Variants in IGF1R observed in about 807,000 individuals in gnomAD.
IGF1R encodes insulin like growth factor 1 receptor, also known as insulin-like growth factor 1 receptor.
In IGF1R, 44 loss-of-function variants were observed where a neutral mutation model predicts 144.6. That is an observed-to-expected ratio of 0.30 (90% CI 0.24 to 0.39). IGF1R has a LOEUF of 0.39. IGF1R is among the 10% of genes least tolerant of loss of function. The pLI, the probability that IGF1R is intolerant of heterozygous loss-of-function variation, is 1.00. For missense variants in IGF1R, 1,355 were observed against 1,833.7 expected (o/e 0.74, Z 4.77); for synonymous variants, 795 against 722.8 (o/e 1.10, Z -1.60).
rs573387933 is a variant in IGF1R, at chr15:98,764,767, G to T, written c.640+56660G>T. On this transcript the variant is annotated intron_variant, in intron 2 of 20. Transcript: ENST00000650285. ...GAGTCTGTTTTGGACTTCCTCTTTGGTATATATGGTGGGAGATTTGTTTAA... is the reference window on the plus strand; with the variant it reads ...GAGTCTGTTTTGGACTTCCTCTTTGTTATATATGGTGGGAGATTTGTTTAA... 7.7e-4 allele frequency among the ~76,000 whole-genome samples: 117 copies of T among 152,202 alleles called. 1 individual carries two copies. The highest frequency in any genetic ancestry group is 2.8e-3 in the African/African-American group (115 of 41,528).
At chr15:98,855,229 C>T (rs2011739908) in intron 2 of IGF1R, among the ~76,000 whole-genome samples, 1 of 152,314 alleles carries the variant, frequency 6.6e-6, no homozygotes, top group African/African-American at 2.4e-5. Context: ...TTTAATGGCA[C>T]CATGGTCTGT....
chr15:98,844,612 A>G lies in IGF1R; in HGVS notation c.641-46713A>G, dbSNP rs1306806235. On this transcript the variant is annotated intron_variant, in intron 2 of 20. Transcript: ENST00000650285. ...TCAGAAAAAGTTTTGCTGATTAACT[A>G]TATTTGTGTGTGTGTGTGTGTGTGT... Among the ~76,000 whole-genome samples the G allele has an allele frequency of 2.0e-5, 3 of 149,352 alleles. 1 individual carries two copies. The Middle Eastern group carries it at 0.01, about 515-fold the overall frequency.
intron 2 of IGF1R, among the ~76,000 whole-genome samples, chr15:98,774,688 T>TGGGG (rs895713979): frequency 3.3e-5 from 2 of 60,680 alleles, no homozygotes; most frequent in African/African-American, 7.8e-5. Context: ...GCTGCGGTGG[T>TGGGG]GGGGGGGTGG....
Position 98,684,564 on chromosome 15 carries a change from C to A in IGF1R, c.95-22998C>A, listed in dbSNP as rs954085796. ...GAGTAACACTTAATACTTAGCACAG[C>A]CCTCAGTGAAGATCTTTTATGGCCT... On this transcript the variant is annotated intron_variant, in intron 1 of 20. Transcript: ENST00000650285. Among the ~76,000 whole-genome samples, 5 of 152,152 alleles carry A rather than the reference C, an allele frequency of 3.3e-5. No individual in the cohort carries two copies. The South Asian group carries it at 1.0e-3, about 32-fold the overall frequency.
chr15:98,669,976 G>A (rs532469366), intron 1 of IGF1R, among the ~76,000 whole-genome samples: 5 of 152,326 alleles, frequency 3.3e-5, no homozygotes, highest in African/African-American at 1.2e-4. Context: ...AGCAGAGGAG[G>A]CAGATGAGGT....
chr15:98,710,107 C>T (rs1403934907), intron 2 of IGF1R, among the ~76,000 whole-genome samples: 3 of 152,084 alleles, frequency 2.0e-5, no homozygotes, highest in Admixed American at 1.3e-4. Context: ...GGAAAAGCAC[C>T]GTGAAAATGT....
At chr15:98,750,055 C>T (rs763802648) in intron 2 of IGF1R, among the ~76,000 whole-genome samples, 2 of 152,306 alleles carry the variant, frequency 1.3e-5, no homozygotes, top group East Asian at 3.9e-4. Context: ...GAGGGAATTG[C>T]ATATAGCAAT....
chr15:98,767,918 T>TG (rs976090458), intron 2 of IGF1R, among the ~76,000 whole-genome samples: 3 of 152,138 alleles, frequency 2.0e-5, no homozygotes, highest in African/African-American at 7.2e-5. Context: ...TGTTTGTGTG[T>TG]GGGGTGATGT....
intron 1 of IGF1R, among the ~76,000 whole-genome samples, chr15:98,665,618 A>G (rs1357491271): frequency 1.3e-5 from 2 of 152,204 alleles, no homozygotes; most frequent in African/African-American, 4.8e-5. Flanking sequence ...AAACACTTAG[A>G]TTAAGTATCT....
intron 2 of IGF1R, among the ~76,000 whole-genome samples, chr15:98,735,014 C>T (rs1291059086): frequency 6.6e-6 from 1 of 152,090 alleles, no homozygotes; most frequent in African/African-American, 2.4e-5. Flanking sequence ...CTTCCTGGTC[C>T]TGTGTGAGAC....
intron 7 of IGF1R, among the ~76,000 whole-genome samples, chr15:98,912,608 T>A (rs1211944882): frequency 6.6e-6 from 1 of 152,254 alleles, no homozygotes; most frequent in Non-Finnish European, 1.5e-5. Flanking sequence ...AGCATCAGAA[T>A]TGTTTATGAG....
intron 2 of IGF1R, among the ~76,000 whole-genome samples, chr15:98,733,390 T>G (rs951024484): frequency 2.0e-5 from 3 of 152,076 alleles, no homozygotes; most frequent in African/African-American, 4.8e-5. Context: ...CTGGCTAATT[T>G]TTAATAGAGA....
intron 2 of IGF1R, among the ~76,000 whole-genome samples, chr15:98,848,717 C>A (rs1206924380): frequency 6.6e-6 from 1 of 152,152 alleles, no homozygotes; most frequent in Non-Finnish European, 1.5e-5. Context: ...AGACTATCAC[C>A]CTTTGATTCC....
rs796124380 is a variant in IGF1R, at chr15:98,917,039, C to G, written c.2201+163C>G. ...GATGACAGGTTCGGTGAAGTGAGTC[C>G]CTGCGGAAGCCAGTCAGCCCTGAAG... On this transcript the variant is annotated intron_variant, in intron 10 of 20. Coordinates refer to ENST00000650285, the MANE Select transcript of IGF1R (RefSeq NM_000875.5). 2.4e-5 allele frequency: 17 copies of G among 711,810 alleles called. No individual in the cohort carries two copies. In the African/African-American group the frequency reaches 3.0e-4, roughly 12 times the overall value. The allele number at this position is 711,810 out of a possible 1,614,324, so 44.1% of individuals were successfully genotyped here.
intron 1 of IGF1R, among the ~76,000 whole-genome samples, chr15:98,663,639 G>T (rs1596154008): frequency 6.6e-6 from 1 of 152,198 alleles, no homozygotes; most frequent in South Asian, 2.1e-4. Flanking sequence ...ATTTTTAGAG[G>T]AGTCCAGGCT....
intron 8 of IGF1R, among the ~76,000 whole-genome samples, chr15:98,914,587 C>T (rs976285840): frequency 2.0e-5 from 3 of 152,166 alleles, no homozygotes; most frequent in Non-Finnish European, 4.4e-5. Flanking sequence ...TTCAGTGCAA[C>T]AGAAGAAGTT....
At chr15:98,895,803 T>C (rs45576237) in intron 3 of IGF1R, among the ~76,000 whole-genome samples, 6 of 152,232 alleles carry the variant, frequency 3.9e-5, no homozygotes, top group Admixed American at 3.3e-4. Context: ...ATTTGAGAGA[T>C]GATTTAAGAA....
In IGF1R at chr15:98,782,976, G is replaced by T. The variant is rs75591926; in HGVS notation, c.640+74869G>T. On this transcript the variant is annotated intron_variant, in intron 2 of 20. Transcript: ENST00000650285. The stretch of plus-strand genomic sequence containing the variant: ...TGGAGCTGTGACTTCCTGATGAAGT[G>T]GCAGCACACAGGCTGAATATGTTCT... 3.5e-4 allele frequency among the ~76,000 whole-genome samples: 53 copies of T among 152,276 alleles called. No individual in the cohort carries two copies. The East Asian group carries it at 0.01, about 29-fold the overall frequency.
rs1224142707 is a variant in IGF1R, at chr15:98,648,819, A to AGCG, written c.-762_-760dup. 1.4e-5 allele frequency among the ~76,000 whole-genome samples: 2 copies of AGCG among 141,926 alleles called. No homozygotes were observed. Among genetic ancestry groups the AGCG allele is most frequent in the African/African-American group, 5.1e-5 (2 of 39,168 alleles). 93.1% of individuals were successfully genotyped at this position (141,926 alleles called of 152,430 possible). ...GCGCCTCGCCTCGGCTGTGACCTTC[A>AGCG]GCGAGCCGGAGCCCCCGCGCAGAGC... On this transcript the variant is annotated 5_prime_UTR_variant, in exon 1 of 21. Transcript: ENST00000650285.
Sources: gnomAD v4.1 joint callset for allele counts (sites outside exome capture counted in the v4.1 genomes callset) on GRCh38, gnomAD v4.1.1 for gene constraint, MANE v1.5 for transcripts, NCBI Gene and HGNC (gene_info 2026-07-23, HGNC 2026-07-21) for gene names.